The following LRRTM4 variants were observed in gnomAD, a reference collection of about 807,000 sequenced individuals.
LRRTM4 encodes the protein leucine-rich repeat transmembrane neuronal protein 4.
Under a neutral mutation model 47.6 loss-of-function variants are expected in LRRTM4, and 25 were observed. That is an observed-to-expected ratio of 0.53 (90% CI 0.38 to 0.73). The LOEUF is 0.73. Ranked by LOEUF, LRRTM4 falls within the 30% of genes least tolerant of loss-of-function variation. The pLI is 0.00. For synonymous variants in LRRTM4, 311 were observed against 269.5 expected (o/e 1.15, Z -1.51); for missense variants, 638 against 713.4 (o/e 0.89, Z 1.20).
chr2:77,250,323 G>A (rs762890724), intron 3 of LRRTM4, among the ~76,000 whole-genome samples: 13 of 152,184 alleles, frequency 8.5e-5, no homozygotes, highest in South Asian at 2.1e-4. Flanking sequence ...GTGTGATAAT[G>A]AATTTCAATA....
intron 3 of LRRTM4, among the ~76,000 whole-genome samples, chr2:77,484,137 G>A (rs1440530617): frequency 6.6e-6 from 1 of 152,158 alleles, no homozygotes; most frequent in East Asian, 1.9e-4. Flanking sequence ...ACACAATACT[G>A]GTCAATAAAC....
At chr2:76,798,648 TAATG>T (rs1477708131) in intron 3 of LRRTM4, among the ~76,000 whole-genome samples, 3 of 150,270 alleles carry the variant, frequency 2.0e-5, no homozygotes, top group Non-Finnish European at 4.4e-5. Flanking sequence ...TTCAAAAAAT[TAATG>T]AATCCAGGAG....
chr2:76,974,193 T>TATACATATATATATAC (rs1676327249), intron 3 of LRRTM4, among the ~76,000 whole-genome samples: 1 of 119,608 alleles, frequency 8.4e-6, no homozygotes, highest in African/African-American at 4.1e-5. Context: ...CATACATATA[T>TATACATATATATATAC]ATACATATAT....
At chr2:77,067,909 G>T (rs934740079) in intron 3 of LRRTM4, among the ~76,000 whole-genome samples, 1 of 151,700 alleles carries the variant, frequency 6.6e-6, no homozygotes, top group African/African-American at 2.4e-5. Context: ...TCAAAAAAAG[G>T]GAAAGTGATA....
chr2:77,294,859 TA>T (rs1265419581), intron 3 of LRRTM4, among the ~76,000 whole-genome samples: 14 of 152,304 alleles, frequency 9.2e-5, no homozygotes, highest in African/African-American at 2.6e-4. Context: ...GTAATGTACA[TA>T]GGATTTATAT....
At chr2:76,895,152 T>C (rs1480985536) in intron 3 of LRRTM4, among the ~76,000 whole-genome samples, 1 of 152,026 alleles carries the variant, frequency 6.6e-6, no homozygotes. Context: ...TGCATTTGCA[T>C]TTCTATTTGT....
At chr2:76,833,199 C>T (rs1671403779) in intron 3 of LRRTM4, among the ~76,000 whole-genome samples, 1 of 152,124 alleles carries the variant, frequency 6.6e-6, no homozygotes, top group South Asian at 2.1e-4. Context: ...TAAATGACCT[C>T]TGCAAGGGAG....
chr2:77,182,484 C>G (rs1015576892), intron 3 of LRRTM4, among the ~76,000 whole-genome samples: 7 of 151,942 alleles, frequency 4.6e-5, no homozygotes, highest in Admixed American at 4.6e-4. Flanking sequence ...CAAACCACCA[C>G]GGCACACATA....
At chr2:77,468,367 T>G (rs561228321) in intron 3 of LRRTM4, among the ~76,000 whole-genome samples, 1 of 152,284 alleles carries the variant, frequency 6.6e-6, no homozygotes, top group South Asian at 2.1e-4. Flanking sequence ...ATTGAGAATT[T>G]TATAGAACAT....
intron 3 of LRRTM4, among the ~76,000 whole-genome samples, chr2:77,288,560 A>T (rs1409777317): frequency 6.6e-6 from 1 of 152,078 alleles, no homozygotes; most frequent in Non-Finnish European, 1.5e-5. Flanking sequence ...TCATTTTCCA[A>T]GGTAATGTGT....
At chr2:76,888,091 AGTGT>A (rs895935215) in intron 3 of LRRTM4, among the ~76,000 whole-genome samples, 2 of 150,214 alleles carry the variant, frequency 1.3e-5, no homozygotes, top group East Asian at 1.9e-4. Flanking sequence ...ATACATATAT[AGTGT>A]GTGTGTATAT....
At chr2:77,124,229 A>T (rs1401853966) in intron 3 of LRRTM4, among the ~76,000 whole-genome samples, 1 of 152,144 alleles carries the variant, frequency 6.6e-6, no homozygotes, top group African/African-American at 2.4e-5. Flanking sequence ...ATCCAAAAAC[A>T]TTAGGACGAC....
rs756985853 is a variant in LRRTM4, at chr2:77,265,418, C to T, written c.1551+252900G>A. ...TGTTAGAGTCTTACAAAAGAATGAGCGTGGCATTTTCTCTCACTCTCTTTC... is the reference window on the plus strand; with the variant it reads ...TGTTAGAGTCTTACAAAAGAATGAGTGTGGCATTTTCTCTCACTCTCTTTC... On this transcript the variant is annotated intron_variant, in intron 3 of 3. Coordinates refer to ENST00000409884, the MANE Select transcript of LRRTM4 (RefSeq NM_001134745.3). Among the ~76,000 whole-genome samples, 18 of 151,972 alleles carry T rather than the reference C, an allele frequency of 1.2e-4. 1 individual carries two copies. Among genetic ancestry groups the T allele is most frequent in the Admixed American group, 2.0e-4 (3 of 15,214 alleles).
chr2:77,177,475 T>C (rs1673230682), intron 3 of LRRTM4, among the ~76,000 whole-genome samples: 1 of 152,180 alleles, frequency 6.6e-6, no homozygotes, highest in Non-Finnish European at 1.5e-5. Context: ...CCATGCTCCA[T>C]CCTGAGGTGT....
intron 3 of LRRTM4, among the ~76,000 whole-genome samples, chr2:77,169,885 T>G (rs1672997543): frequency 6.6e-6 from 1 of 152,210 alleles, no homozygotes; most frequent in African/African-American, 2.4e-5. Flanking sequence ...TCAATTTGTG[T>G]AAAGTTTTTT....
intron 3 of LRRTM4, among the ~76,000 whole-genome samples, chr2:77,216,381 T>C (rs541441246): frequency 6.6e-6 from 1 of 152,252 alleles, no homozygotes; most frequent in South Asian, 2.1e-4. Flanking sequence ...AAATACAGTA[T>C]TTGGGCCGGG....
intron 3 of LRRTM4, among the ~76,000 whole-genome samples, chr2:77,114,860 G>A (rs7609361): frequency 0.082 from 12,400 of 152,114 alleles, 1,053 homozygotes; most frequent in African/African-American, 0.21. Flanking sequence ...TAAAGATCAC[G>A]AGGCAAGGCA....
chr2:76,866,980 A>C (rs1426958511), intron 3 of LRRTM4, among the ~76,000 whole-genome samples: 1 of 152,134 alleles, frequency 6.6e-6, no homozygotes, highest in Non-Finnish European at 1.5e-5. Flanking sequence ...CAGAAAACCA[A>C]ACACTGCATA....
chr2:77,153,998 A>G (rs1672494371), intron 3 of LRRTM4, among the ~76,000 whole-genome samples: 1 of 152,222 alleles, frequency 6.6e-6, no homozygotes, highest in Admixed American at 6.5e-5. Context: ...GTTTAGGATA[A>G]CTGAGTACTG....
Sources: gnomAD v4.1 joint callset for allele counts (sites outside exome capture counted in the v4.1 genomes callset) on GRCh38, gnomAD v4.1.1 for gene constraint, MANE v1.5 for transcripts, NCBI Gene and HGNC (gene_info 2026-07-23, HGNC 2026-07-21) for gene names.